CHN2: variants seen among roughly 807,000 people sequenced by gnomAD.
CHN2 encodes the protein chimerin 2, also known as beta-chimaerin.
In CHN2, 35 loss-of-function variants were observed where a neutral mutation model predicts 56.3. That is an observed-to-expected ratio of 0.62 (90% CI 0.47 to 0.82). The LOEUF is 0.82. CHN2 is among the 40% of genes least tolerant of loss of function. The probability of loss-of-function intolerance (pLI) is 0.00; values close to 1 mark genes in which losing one functional copy is unlikely to be tolerated. For missense variants in CHN2, 491 were observed against 580.5 expected (o/e 0.85, Z 1.58); for synonymous variants, 210 against 212.8 (o/e 0.99, Z 0.12).
At chr7:29,195,184 G>C (rs950253852) in intron 1 of CHN2, 194 bp downstream of exon 1, 99 of 512,844 alleles carry the variant, frequency 1.9e-4, no homozygotes, top group African/African-American at 1.4e-3. Context: ...CCTGACATCT[G>C]ACAGCGCAGA....
chr7:29,207,179 A>G (rs957525494), intron 1 of CHN2, among the ~76,000 whole-genome samples: 3 of 152,240 alleles, frequency 2.0e-5, no homozygotes, highest in African/African-American at 7.2e-5. Context: ...GAGAAGGTGA[A>G]TCAGTCATAA....
chr7:29,252,209 T>TA lies in CHN2; in HGVS notation c.49+57220dup, dbSNP rs1554377794. On this transcript the variant is annotated intron_variant, in intron 1 of 12. Transcript: ENST00000222792. The stretch of plus-strand genomic sequence containing the variant: ...AGGATTTTTTTTTTTTTTTTTTTTT[T>TA]AGACAGTCTTGCTCTGTTGCCCAGG... Among the ~76,000 whole-genome samples the TA allele has an allele frequency of 2.6e-3, 396 of 150,300 alleles. 2 individuals are homozygous for TA. Among genetic ancestry groups the TA allele is most frequent in the African/African-American group, 9.5e-3 (387 of 40,692 alleles).
chr7:29,217,421 T>C (rs972654022), intron 1 of CHN2, among the ~76,000 whole-genome samples: 7 of 152,214 alleles, frequency 4.6e-5, no homozygotes, highest in African/African-American at 1.7e-4. Context: ...GAAAAGAGAC[T>C]GTAAAATCAT....
At chr7:29,150,209 A>G (rs1793397714) in intron 2 of CHN2, among the ~76,000 whole-genome samples, 1 of 152,154 alleles carries the variant, frequency 6.6e-6, no homozygotes, top group African/African-American at 2.4e-5. Context: ...TGAATCTAGA[A>G]CCTTGCACCT....
intron 6 of CHN2, among the ~76,000 whole-genome samples, chr7:29,415,846 C>T (rs1050396860): frequency 6.6e-6 from 1 of 152,186 alleles, no homozygotes; most frequent in Non-Finnish European, 1.5e-5. Flanking sequence ...TTTCAAAACC[C>T]AGTTGCTGTA....
chr7:29,400,894 T>C, intron 6 of CHN2, 66 bp downstream of exon 6: 1 of 1,511,376 alleles, frequency 6.6e-7, no homozygotes, highest in Non-Finnish European at 9.0e-7. Flanking sequence ...GCGGGTTAAC[T>C]ATAGGTGCGA....
At chr7:29,313,255 G>A (rs1221122479) in intron 1 of CHN2, among the ~76,000 whole-genome samples, 3 of 152,132 alleles carry the variant, frequency 2.0e-5, no homozygotes, top group Non-Finnish European at 4.4e-5. Flanking sequence ...GAGATAAGTG[G>A]AATTCCTGGG....
At chr7:29,398,596 T>C (rs1018663602) in intron 5 of CHN2, 110 bp downstream of exon 5, 13 of 701,120 alleles carry the variant, frequency 1.9e-5, no homozygotes, top group Non-Finnish European at 3.2e-5. Context: ...TTCATCATTT[T>C]TCCCATGTTT....
intron 1 of CHN2, among the ~76,000 whole-genome samples, chr7:29,316,794 G>T (rs545729533): frequency 9.2e-5 from 14 of 152,194 alleles, no homozygotes; most frequent in Admixed American, 3.3e-4. Context: ...CTAGAGTATG[G>T]AGTCTGTCCA....
intron 3 of CHN2, among the ~76,000 whole-genome samples, chr7:29,382,137 T>C (rs1299732885): frequency 6.6e-6 from 1 of 152,244 alleles, no homozygotes; most frequent in Non-Finnish European, 1.5e-5. Flanking sequence ...CAATGCCTGG[T>C]ACATAAGTTC....
chr7:29,466,216 G>GAGGA (rs1431284445), intron 6 of CHN2, among the ~76,000 whole-genome samples: 2 of 135,216 alleles, frequency 1.5e-5, no homozygotes, highest in East Asian at 2.2e-4. Flanking sequence ...GAGAGAAAGA[G>GAGGA]AGAGAGGAAG....
intron 1 of CHN2, among the ~76,000 whole-genome samples, chr7:29,210,072 G>GGGTC (rs1223492072): frequency 6.6e-6 from 1 of 152,026 alleles, no homozygotes; most frequent in Non-Finnish European, 1.5e-5. Context: ...GTTTGGCCCA[G>GGGTC]ATCATCTCTG....
chr7:29,504,719 C>CCG, intron 9 of CHN2, 25 bp from the exon 10 acceptor site: 2 of 1,418,070 alleles, frequency 1.4e-6, no homozygotes, highest in African/African-American at 3.2e-5. Flanking sequence ...AAGCTAAAGT[C>CCG]AGTCTCTCTC....
At chr7:29,478,284 A>AGG in intron 6 of CHN2, among the ~76,000 whole-genome samples, 1 of 152,164 alleles carries the variant, frequency 6.6e-6, no homozygotes, top group East Asian at 1.9e-4. Context: ...GGATTTGTGG[A>AGG]GGGGAGTGTA....
At chr7:29,208,170 A>G (rs368944040) in intron 1 of CHN2, among the ~76,000 whole-genome samples, 51 of 152,314 alleles carry the variant, frequency 3.3e-4, no homozygotes, top group Non-Finnish European at 6.6e-4. Context: ...AGCTAAAGAC[A>G]GACGTCTTTG....
chr7:29,472,964 T>A (rs931690960), intron 6 of CHN2, among the ~76,000 whole-genome samples: 1 of 152,182 alleles, frequency 6.6e-6, no homozygotes, highest in African/African-American at 2.4e-5. Flanking sequence ...TTCATAAGGC[T>A]AGCAGGCTAG....
intron 1 of CHN2, 196 bp downstream of exon 1, chr7:29,195,186 C>G (rs1045921567): frequency 5.9e-6 from 3 of 511,328 alleles, no homozygotes; most frequent in African/African-American, 2.0e-5. Context: ...TGACATCTGA[C>G]AGCGCAGAGG....
At chr7:29,360,557 C>T (rs1798657917) in intron 2 of CHN2, among the ~76,000 whole-genome samples, 2 of 152,190 alleles carry the variant, frequency 1.3e-5, no homozygotes. Context: ...GTTAGGAAGG[C>T]AAGGCCTTCC....
intron 2 of CHN2, among the ~76,000 whole-genome samples, chr7:29,149,135 T>C (rs1214575840): frequency 6.6e-6 from 1 of 151,086 alleles, no homozygotes; most frequent in Non-Finnish European, 1.5e-5. Flanking sequence ...GCAAGAATGC[T>C]GAGCTCTAGA....
Sources: allele counts gnomAD v4.1 joint callset (sites outside exome capture counted in the v4.1 genomes callset), GRCh38; gene constraint gnomAD v4.1.1; transcripts MANE v1.5; gene names NCBI Gene and HGNC (gene_info 2026-07-23, HGNC 2026-07-21).